Variants in DCAF7 observed in about 807,000 individuals in gnomAD.
The protein encoded by DCAF7 is DDB1- and CUL4-associated factor 7.
DCAF7 carries 4 observed loss-of-function variants against 41.2 expected under a neutral mutation model. The ratio of observed to expected loss-of-function variants is 0.10; its 90% CI spans 0.05 to 0.22. The LOEUF is 0.22. DCAF7 is among the 10% of genes least tolerant of loss of function. The pLI is 1.00. For synonymous variants in DCAF7, 143 were observed against 164.2 expected (o/e 0.87, Z 0.99); for missense variants, 131 against 443.2 (o/e 0.30, Z 6.32).
At chr17:63,585,141 T>C in intron 5 of DCAF7, 70 bp from the exon 6 acceptor site, 1 of 1,254,008 alleles carries the variant, frequency 8.0e-7, no homozygotes, top group Non-Finnish European at 1.1e-6. Flanking sequence ...TTTTTGCATG[T>C]GGATAGTATT....
intron 1 of DCAF7, among the ~76,000 whole-genome samples, chr17:63,569,772 G>C (rs957326482): frequency 1.1e-4 from 16 of 152,280 alleles, no homozygotes; most frequent in African/African-American, 3.6e-4. Context: ...GGGTGCAGTA[G>C]TACAATCTTG....
chr17:63,585,139 T>G, intron 5 of DCAF7, 72 bp from the exon 6 acceptor site: 1 of 1,232,674 alleles, frequency 8.1e-7, no homozygotes, highest in Non-Finnish European at 1.2e-6. Flanking sequence ...GATTTTTGCA[T>G]GTGGATAGTA....
chr17:63,576,364 T>C lies in DCAF7; in HGVS notation c.139-2106T>C, dbSNP rs1319708378. 2.6e-5 allele frequency among the ~76,000 whole-genome samples: 4 copies of C among 151,948 alleles called. 1 individual carries two copies. The highest frequency in any genetic ancestry group is 9.7e-5 in the African/African-American group (4 of 41,352). On this transcript the variant is annotated intron_variant, in intron 1 of 6. Transcript: ENST00000614556. ...GAGGCAGAGAGGTAGGAGAATTGCTTGAACCAAGGAGGTGGAGGTTGCCGT... is the reference window on the plus strand; with the variant it reads ...GAGGCAGAGAGGTAGGAGAATTGCTCGAACCAAGGAGGTGGAGGTTGCCGT...
chr17:63,572,831 C>T (rs2033521525), intron 1 of DCAF7, among the ~76,000 whole-genome samples: 2 of 152,164 alleles, frequency 1.3e-5, no homozygotes, highest in Non-Finnish European at 2.9e-5. Context: ...GGCATGATCT[C>T]AGCTCACTGC....
intron 1 of DCAF7, among the ~76,000 whole-genome samples, chr17:63,567,020 T>C (rs2033450522): frequency 6.6e-6 from 1 of 152,048 alleles, no homozygotes; most frequent in Non-Finnish European, 1.5e-5. Flanking sequence ...CCCAGGCTGG[T>C]CTCAAACTAC....
chr17:63,573,534 G>A (rs1020812678), intron 1 of DCAF7, among the ~76,000 whole-genome samples: 14 of 152,002 alleles, frequency 9.2e-5, no homozygotes, highest in African/African-American at 3.4e-4. Flanking sequence ...AGAGCAGCCT[G>A]ACCGACATGG....
At chr17:63,559,431 A>ATATATATGTG (rs1555680858) in intron 1 of DCAF7, among the ~76,000 whole-genome samples, 1 of 98,320 alleles carries the variant, frequency 1.0e-5, no homozygotes, top group African/African-American at 5.3e-5. Context: ...GTATATATAT[A>ATATATATGTG]TGTGTGTGTA....
intron 4 of DCAF7, among the ~76,000 whole-genome samples, chr17:63,583,264 A>G (rs1222798776): frequency 6.6e-6 from 1 of 152,218 alleles, no homozygotes; most frequent in African/African-American, 2.4e-5. Context: ...GAAGACTTGG[A>G]AAGCAGGAAT....
chr17:63,574,056 G>T (rs2033535583), intron 1 of DCAF7, among the ~76,000 whole-genome samples: 1 of 152,132 alleles, frequency 6.6e-6, no homozygotes, highest in Non-Finnish European at 1.5e-5. Context: ...CTTCCCAGCT[G>T]CATCTCCGCT....
At chr17:63,569,572 G>C (rs190662732) in intron 1 of DCAF7, among the ~76,000 whole-genome samples, 1 of 152,042 alleles carries the variant, frequency 6.6e-6, no homozygotes, top group Non-Finnish European at 1.5e-5. Context: ...CACTTTGGTG[G>C]TTTTTTGTTT....
chr17:63,576,135 G>A (rs532260279), intron 1 of DCAF7, among the ~76,000 whole-genome samples: 79 of 152,144 alleles, frequency 5.2e-4, no homozygotes, highest in Non-Finnish European at 8.5e-4. Context: ...AGAGTCAGAC[G>A]TTCATATGTA....
At chr17:63,562,667 T>C (rs1411137632) in intron 1 of DCAF7, among the ~76,000 whole-genome samples, 1 of 148,084 alleles carries the variant, frequency 6.8e-6, no homozygotes, top group Admixed American at 6.7e-5. Context: ...TAGGTATATC[T>C]CCCAGTGCTA....
intron 1 of DCAF7, among the ~76,000 whole-genome samples, chr17:63,559,757 G>A (rs2033360899): frequency 6.6e-6 from 1 of 151,854 alleles, no homozygotes; most frequent in African/African-American, 2.4e-5. Context: ...AGCCGAGATG[G>A]CACCATTGCA....
Position 63,579,910 on chromosome 17 carries a change from C to A in DCAF7, c.495C>A (p.His165Gln). 2 of 1,613,832 alleles carry A rather than the reference C, an allele frequency of 1.2e-6. No individual in the cohort carries two copies. Among genetic ancestry groups the A allele is most frequent in the Non-Finnish European group, 1.7e-6 (2 of 1,179,802 alleles). ...VLGRVNLVSGHVKTQLIAHDK... is the reference protein window; with the variant it reads ...VLGRVNLVSGQVKTQLIAHDK... ...GGCGAGTGAATCTCGTGTCTGGCCA[C>A]GTGAAGACCCAGCTGATCGCCCATG... is the stretch of plus-strand genomic sequence containing the variant. The change falls in exon 4 of 7, where the codon CAC (histidine) becomes CAA (glutamine). Residue 165 changes from histidine (H) to glutamine (Q), a missense_variant. His to Gln is a conservative substitution (Grantham distance 24). Coordinates refer to ENST00000614556, the MANE Select transcript of DCAF7 (RefSeq NM_005828.5).
chr17:63,577,234 T>A (rs1274291787), intron 1 of DCAF7, among the ~76,000 whole-genome samples: 1 of 152,212 alleles, frequency 6.6e-6, no homozygotes, highest in African/African-American at 2.4e-5. Context: ...CAAAACTCAT[T>A]TAACTGTACA....
chr17:63,583,651 C>T lies in DCAF7; in HGVS notation c.678C>T (p.Arg226=). Residue 226 remains arginine, a synonymous_variant, in exon 5 of 7, where the codon CGC becomes CGT. Transcript: ENST00000614556. ...ACCCACAGCATCACCCACTGCTTCG[C>T]CTCTGCTGGAACAAGCAGGACCCTA... ...YEDPQHHPLL[R]LCWNKQDPNY... is the part of the protein sequence containing the mutation. The T allele has an allele frequency of 6.2e-7, 1 of 1,613,214 alleles. No homozygotes were observed. Among genetic ancestry groups the T allele is most frequent in the Non-Finnish European group, 8.5e-7 (1 of 1,179,340 alleles).
rs149865519 is a variant in DCAF7 at position 63,557,173 on chromosome 17, C to A, written c.138+6358C>A. Among the ~76,000 whole-genome samples, 21 of 152,250 alleles carry A rather than the reference C, an allele frequency of 1.4e-4. 1 individual carries two copies. The South Asian group carries it at 2.7e-3, about 20-fold the overall frequency. On this transcript the variant is annotated intron_variant, in intron 1 of 6. Coordinates refer to ENST00000614556, the MANE Select transcript of DCAF7 (RefSeq NM_005828.5). ...TTTAGCTTGGTTGAAAAATAATTGTCAGTCCTACCACTGTGAGTTCAAAGA... is the reference window on the plus strand; with the variant it reads ...TTTAGCTTGGTTGAAAAATAATTGTAAGTCCTACCACTGTGAGTTCAAAGA...
At chr17:63,579,267 A>G (rs946158039) in intron 2 of DCAF7, 70 bp from the exon 3 acceptor site, 4 of 1,023,696 alleles carry the variant, frequency 3.9e-6, no homozygotes, top group Non-Finnish European at 5.8e-6. Flanking sequence ...TTTTCTAAAC[A>G]GGGATTTTTT....
intron 6 of DCAF7, among the ~76,000 whole-genome samples, chr17:63,587,072 C>T (rs966176562): frequency 3.9e-5 from 6 of 152,156 alleles, no homozygotes; most frequent in African/African-American, 1.4e-4. Flanking sequence ...ATGTTTTGCT[C>T]CTTAACTTTT....
Sources: allele counts gnomAD v4.1 joint callset (sites outside exome capture counted in the v4.1 genomes callset), GRCh38; gene constraint gnomAD v4.1.1; transcripts MANE v1.5; gene names NCBI Gene and HGNC (gene_info 2026-07-23, HGNC 2026-07-21).